Variants in USP32 observed in about 807,000 individuals in gnomAD.
USP32 encodes the protein ubiquitin carboxyl-terminal hydrolase 32.
In USP32, 59 loss-of-function variants were observed where a neutral mutation model predicts 204.8. That is an observed-to-expected ratio of 0.29 (90% CI 0.23 to 0.36). The LOEUF (loss-of-function observed/expected upper bound fraction) is 0.36. Among genes scored for constraint, USP32 ranks in the 10% least tolerant of loss-of-function variants. USP32 has a pLI of 1.00. For missense variants in USP32, 1,160 were observed against 1,946.4 expected, an observed-to-expected ratio of 0.60 and a Z score of 7.60; for synonymous variants, 517 against 678.4, an observed-to-expected ratio of 0.76 and a Z score of 3.70.
At chr17:60,414,236 G>T (rs1332582131) in intron 1 of USP32, among the ~76,000 whole-genome samples, 3 of 151,730 alleles carry the variant, frequency 2.0e-5, no homozygotes, top group South Asian at 2.1e-4. Context: ...GGTGGCATAA[G>T]CCTGTAATCC....
chr17:60,406,740 T>C, intron 1 of USP32, among the ~76,000 whole-genome samples: 1 of 151,906 alleles, frequency 6.6e-6, no homozygotes, highest in South Asian at 2.1e-4. Context: ...GGTCTTAAAC[T>C]CCTGACCTCG....
At chr17:60,370,836 C>T (rs1426399544) in intron 1 of USP32, among the ~76,000 whole-genome samples, 1 of 150,886 alleles carries the variant, frequency 6.6e-6, no homozygotes, top group African/African-American at 2.4e-5. Flanking sequence ...TGGCTCAATG[C>T]TTGTAATCCC....
At chr17:60,224,431 G>A (rs984536528) in intron 13 of USP32, among the ~76,000 whole-genome samples, 2 of 152,188 alleles carry the variant, frequency 1.3e-5, no homozygotes, top group African/African-American at 4.8e-5. Context: ...TGAAGAAAAT[G>A]CTAGCTCTGT....
chr17:60,185,656 A>G lies in USP32; in HGVS notation c.3643-5T>C. On this transcript the variant is annotated splice_region_variant and splice_polypyrimidine_tract_variant and intron_variant, in intron 29 of 33. Coordinates refer to ENST00000300896, the MANE Select transcript of USP32 (RefSeq NM_032582.4). ...ACTCTCATGCTCATCTACAACCTGC[A>G]GGTAGAGGGAACAGGAGGAAAGGGG... The G allele has an allele frequency of 6.2e-7, 1 of 1,607,412 alleles. No individual in the cohort carries two copies. The highest frequency in any genetic ancestry group is 8.5e-7 in the Non-Finnish European group (1 of 1,176,112).
chr17:60,227,973 T>C (rs1054312889), intron 12 of USP32, among the ~76,000 whole-genome samples: 1 of 152,100 alleles, frequency 6.6e-6, no homozygotes, highest in Admixed American at 6.6e-5. Flanking sequence ...ATATTACATA[T>C]GAATTTTGGA....
intron 2 of USP32, among the ~76,000 whole-genome samples, chr17:60,333,795 T>A (rs549695765): frequency 2.6e-5 from 4 of 152,256 alleles, no homozygotes; most frequent in African/African-American, 9.6e-5. Flanking sequence ...GTACTGTTTT[T>A]ATCATAAGTT....
At chr17:60,220,098 A>G (rs545101205) in intron 15 of USP32, among the ~76,000 whole-genome samples, 2 of 152,124 alleles carry the variant, frequency 1.3e-5, no homozygotes, top group Admixed American at 6.5e-5. Context: ...CCCTCACACC[A>G]TAAGTCTTTT....
intron 2 of USP32, among the ~76,000 whole-genome samples, chr17:60,316,573 G>A (rs2087983893): frequency 6.6e-6 from 1 of 152,140 alleles, no homozygotes. Flanking sequence ...AGGCACGGTG[G>A]CTCATGCCTG....
intron 2 of USP32, among the ~76,000 whole-genome samples, chr17:60,308,143 A>G (rs1782053284): frequency 6.6e-6 from 1 of 152,194 alleles, no homozygotes; most frequent in Non-Finnish European, 1.5e-5. Context: ...CCAAGCCCAC[A>G]TGTGATCCGA....
chr17:60,346,808 GAT>G (rs2088797471), intron 1 of USP32, among the ~76,000 whole-genome samples: 1 of 152,172 alleles, frequency 6.6e-6, no homozygotes, highest in Non-Finnish European at 1.5e-5. Flanking sequence ...AATGAACAAG[GAT>G]ATGCTGGTCA....
intron 1 of USP32, 109 bp downstream of exon 1, chr17:60,391,773 C>T: frequency 7.8e-7 from 1 of 1,274,508 alleles, no homozygotes; most frequent in South Asian, 1.4e-5. Flanking sequence ...TTCCCTTCCG[C>T]CTCAGGCGCC....
intron 18 of USP32, among the ~76,000 whole-genome samples, chr17:60,213,267 G>A (rs919564590): frequency 7.2e-5 from 11 of 152,176 alleles, no homozygotes; most frequent in African/African-American, 1.4e-4. Flanking sequence ...ACTCAAAGCA[G>A]CAACTTGAAA....
At chr17:60,245,745 C>T (rs2086003738) in intron 11 of USP32, 1 of 153,094 alleles carries the variant, frequency 6.5e-6, no homozygotes, top group African/African-American at 2.4e-5. Context: ...TCTGGTGTCA[C>T]TTATTTTCAG....
chr17:60,340,705 T>C (rs533275471), intron 2 of USP32, among the ~76,000 whole-genome samples: 2 of 152,256 alleles, frequency 1.3e-5, no homozygotes, highest in South Asian at 4.1e-4. Flanking sequence ...AATTTGATCC[T>C]GTCATTATGA....
chr17:60,271,382 A>G lies in USP32; in HGVS notation c.671T>C (p.Val224Ala), dbSNP rs768156721. 6.2e-7 allele frequency: 1 copy of G among 1,614,118 alleles called. No individual in the cohort carries two copies. Among genetic ancestry groups the G allele is most frequent in the Admixed American group, 1.7e-5 (1 of 60,022 alleles). Residue 224 changes from valine (V) to alanine (A), a missense_variant, in exon 6 of 34, where the codon GTT becomes GCT. Coordinates refer to ENST00000300896, the MANE Select transcript of USP32 (RefSeq NM_032582.4). ...RFDLETFGPLVSPPIRPSLSE... is the reference protein window; with the variant it reads ...RFDLETFGPLASPPIRPSLSE... ...TAGAGATGGACGAATAGGTGGTGAA[A>G]CCAATGGGCCAAATGTCTCTAAATC...
chr17:60,213,324 T>C (rs1351081824), intron 18 of USP32, among the ~76,000 whole-genome samples: 2 of 152,254 alleles, frequency 1.3e-5, no homozygotes, highest in African/African-American at 4.8e-5. Context: ...TTGTTTTTTA[T>C]CTACCATTCC....
chr17:60,374,680 AT>A (rs1292799355), intron 1 of USP32, among the ~76,000 whole-genome samples: 7 of 152,296 alleles, frequency 4.6e-5, no homozygotes, highest in African/African-American at 1.4e-4. Context: ...GCCAACTTTT[AT>A]TTAAATAAAT....
intron 29 of USP32, among the ~76,000 whole-genome samples, chr17:60,189,157 G>A (rs1355838617): frequency 1.3e-5 from 2 of 152,216 alleles, no homozygotes; most frequent in Non-Finnish European, 2.9e-5. Flanking sequence ...CCTTGCTAGT[G>A]AGCATGATCT....
chr17:60,265,905 A>T, intron 8 of USP32, 71 bp downstream of exon 8: 2 of 1,211,490 alleles, frequency 1.7e-6, no homozygotes, highest in South Asian at 1.3e-5. Context: ...TTATGCTTTT[A>T]AAGAAAATGA....
Sources: allele counts gnomAD v4.1 joint callset (sites outside exome capture counted in the v4.1 genomes callset), GRCh38; gene constraint gnomAD v4.1.1; transcripts MANE v1.5; gene names NCBI Gene and HGNC (gene_info 2026-07-23, HGNC 2026-07-21).